The following PDE7B variants were observed in gnomAD, a reference collection of about 807,000 sequenced individuals.
The protein encoded by PDE7B is 3',5'-cyclic-AMP phosphodiesterase 7B.
PDE7B carries 29 observed loss-of-function variants against 56.2 expected under a neutral mutation model. The observed-to-expected ratio is 0.52, with a 90% CI of 0.38 to 0.70. PDE7B has a LOEUF of 0.70. PDE7B is among the 30% of genes least tolerant of loss of function. PDE7B has a pLI of 0.00. For synonymous variants in PDE7B, 197 were observed against 196.9 expected (o/e 1.00, Z 0.00); for missense variants, 490 against 565.0 (o/e 0.87, Z 1.35).
At chr6:136,156,161 A>ATG (rs1491120296) in intron 8 of PDE7B, 1 of 240,114 alleles carries the variant, frequency 4.2e-6, no homozygotes, top group Non-Finnish European at 7.7e-6. Context: ...AGAATGATCC[A>ATG]AGTGTGTGTG....
At chr6:136,068,253 C>T (rs972773087) in intron 2 of PDE7B, among the ~76,000 whole-genome samples, 3 of 152,026 alleles carry the variant, frequency 2.0e-5, no homozygotes, top group Non-Finnish European at 2.9e-5. Context: ...TGGTTCTGTC[C>T]GGAAAGGCAA....
At chr6:135,973,957 G>T (rs527807841) in intron 2 of PDE7B, among the ~76,000 whole-genome samples, 8 of 152,122 alleles carry the variant, frequency 5.3e-5, no homozygotes, top group Non-Finnish European at 1.0e-4. Context: ...AGACAATTCA[G>T]TCTCCATGTA....
At chr6:135,934,741 T>A (rs375297364) in intron 1 of PDE7B, among the ~76,000 whole-genome samples, 1,933 of 44,056 alleles carry the variant, frequency 0.044, 73 homozygotes, top group African/African-American at 0.085. Context: ...AAAAAAAAAA[T>A]ATATATATAT....
rs140028575 is a variant in PDE7B at position 136,107,141 on chromosome 6, A to G, written c.83-1590A>G. On this transcript the variant is annotated intron_variant, in intron 2 of 12. Coordinates refer to ENST00000308191, the MANE Select transcript of PDE7B (RefSeq NM_018945.4). ...AGGCCCATCTATGAGGGACATTTTA[A>G]GCATATCAGTTGCATGAGTTGCAGC... Among the ~76,000 whole-genome samples, 208 of 152,318 alleles carry G rather than the reference A, an allele frequency of 1.4e-3. 1 individual carries two copies. The highest frequency in any genetic ancestry group is 4.6e-3 in the African/African-American group (191 of 41,570).
chr6:136,010,163 T>C (rs1345639695), intron 2 of PDE7B, among the ~76,000 whole-genome samples: 3 of 152,212 alleles, frequency 2.0e-5, no homozygotes, highest in African/African-American at 7.2e-5. Flanking sequence ...GATTCTCTCT[T>C]ACTTATCCAA....
intron 1 of PDE7B, among the ~76,000 whole-genome samples, chr6:135,875,253 A>T (rs1212103753): frequency 6.6e-6 from 1 of 151,902 alleles, no homozygotes; most frequent in Non-Finnish European, 1.5e-5. Context: ...TTGTTTTGCT[A>T]TTCATCCTTT....
At chr6:135,996,879 C>G (rs990730118) in intron 2 of PDE7B, among the ~76,000 whole-genome samples, 3 of 152,110 alleles carry the variant, frequency 2.0e-5, no homozygotes, top group Admixed American at 1.3e-4. Context: ...GCAATACCCA[C>G]TTAGAGCACA....
At chr6:135,853,510 T>G (rs2128183019) in intron 1 of PDE7B, among the ~76,000 whole-genome samples, 1 of 152,304 alleles carries the variant, frequency 6.6e-6, no homozygotes, top group East Asian at 1.9e-4. Flanking sequence ...GTGTCAGTAG[T>G]TACGTCTTGA....
intron 1 of PDE7B, among the ~76,000 whole-genome samples, chr6:135,899,202 A>C (rs573488538): frequency 6.6e-6 from 1 of 152,212 alleles, no homozygotes; most frequent in East Asian, 1.9e-4. Flanking sequence ...TTCCTTTATA[A>C]ATTACCCAGT....
intron 3 of PDE7B, among the ~76,000 whole-genome samples, chr6:136,121,330 C>T (rs545854966): frequency 2.9e-3 from 438 of 152,246 alleles, no homozygotes; most frequent in Non-Finnish European, 5.2e-3. Context: ...TACCATTTTT[C>T]GACAATTCTT....
chr6:135,974,590 G>A (rs1182757541), intron 2 of PDE7B, among the ~76,000 whole-genome samples: 1 of 152,216 alleles, frequency 6.6e-6, no homozygotes, highest in African/African-American at 2.4e-5. Flanking sequence ...AGTTAGTGTT[G>A]CATGTGCAAT....
intron 2 of PDE7B, among the ~76,000 whole-genome samples, chr6:136,107,806 A>C (rs1014477076): frequency 2.0e-5 from 3 of 152,224 alleles, no homozygotes; most frequent in Admixed American, 2.0e-4. Flanking sequence ...ACACATACTA[A>C]AAAGGAAAAC....
At chr6:136,044,970 G>A (rs1212684553) in intron 2 of PDE7B, 2 of 150,206 alleles carry the variant, frequency 1.3e-5, no homozygotes, top group African/African-American at 4.9e-5. Flanking sequence ...TGGTTCAACT[G>A]GACAGAAAAG....
chr6:136,058,323 G>A (rs926541416), intron 2 of PDE7B, among the ~76,000 whole-genome samples: 1 of 152,138 alleles, frequency 6.6e-6, no homozygotes, highest in African/African-American at 2.4e-5. Context: ...TCTTCAATTG[G>A]AAATAAAGGA....
intron 8 of PDE7B, among the ~76,000 whole-genome samples, chr6:136,158,607 A>G (rs1481359304): frequency 6.6e-6 from 1 of 152,182 alleles, no homozygotes; most frequent in Non-Finnish European, 1.5e-5. Flanking sequence ...ACCCTGAGAT[A>G]AAGAGAGAGC....
intron 3 of PDE7B, among the ~76,000 whole-genome samples, chr6:136,109,780 G>A (rs1777711919): frequency 1.3e-5 from 2 of 152,108 alleles, no homozygotes; most frequent in Admixed American, 6.5e-5. Context: ...GCCTTATAAC[G>A]ATCATAATCA....
rs147418269 is a variant in PDE7B, at chr6:135,867,090, G to T, written c.21+15071G>T. 3.9e-5 allele frequency among the ~76,000 whole-genome samples: 6 copies of T among 152,252 alleles called. No individual in the cohort carries two copies. The East Asian group carries it at 1.2e-3, about 29-fold the overall frequency. On this transcript the variant is annotated intron_variant, in intron 1 of 12. Coordinates refer to ENST00000308191, the MANE Select transcript of PDE7B (RefSeq NM_018945.4). ...AGCTAATAAATGTAAAATATGCTAA[G>T]TCCTTAGCCTAGAGTCCAATCATTA...
intron 1 of PDE7B, among the ~76,000 whole-genome samples, chr6:135,920,835 A>G (rs1774061913): frequency 6.6e-6 from 1 of 152,182 alleles, no homozygotes; most frequent in Admixed American, 6.5e-5. Context: ...ATCCAATCCC[A>G]TTGAAAATGT....
In PDE7B at chr6:136,157,140, G is replaced by T. The variant is rs138024740; in HGVS notation, c.711+1382G>T. ...CAGATAATTAATAGAACTGGAATTAGAACTCAACTTTTTGGTTTCCAGAGC... is the reference window on the plus strand; with the variant it reads ...CAGATAATTAATAGAACTGGAATTATAACTCAACTTTTTGGTTTCCAGAGC... On this transcript the variant is annotated intron_variant, in intron 8 of 12. Transcript: ENST00000308191. Among the ~76,000 whole-genome samples the T allele has an allele frequency of 5.2e-4, 79 of 152,236 alleles. 1 individual carries two copies. The East Asian group carries it at 8.9e-3, about 17-fold the overall frequency.
Sources: allele counts gnomAD v4.1 joint callset (sites outside exome capture counted in the v4.1 genomes callset), GRCh38; gene constraint gnomAD v4.1.1; transcripts MANE v1.5; gene names NCBI Gene and HGNC (gene_info 2026-07-23, HGNC 2026-07-21).